CNTN5: variants seen among roughly 807,000 people sequenced by gnomAD.
The protein encoded by CNTN5 is contactin-5.
Under a neutral mutation model 129.1 loss-of-function variants are expected in CNTN5, and 77 were observed. That is an observed-to-expected ratio of 0.60 (90% CI 0.50 to 0.72). The LOEUF (loss-of-function observed/expected upper bound fraction) is 0.72. Ranked by LOEUF, CNTN5 falls within the 30% of genes least tolerant of loss-of-function variation. The probability of loss-of-function intolerance (pLI) is 0.00; values close to 1 mark genes in which losing one functional copy is unlikely to be tolerated. For missense variants in CNTN5, 1,478 were observed against 1,328.8 expected (o/e 1.11, Z -1.75); for synonymous variants, 509 against 465.6 (o/e 1.09, Z -1.20).
chr11:99,579,863 C>G (rs1385453729), intron 3 of CNTN5, among the ~76,000 whole-genome samples: 2 of 150,924 alleles, frequency 1.3e-5, no homozygotes, highest in East Asian at 3.9e-4. Flanking sequence ...ACTTCCAACA[C>G]TATGTTGAAT....
intron 2 of CNTN5, among the ~76,000 whole-genome samples, chr11:99,507,987 C>T (rs1946689611): frequency 6.6e-6 from 1 of 152,178 alleles, no homozygotes; most frequent in Non-Finnish European, 1.5e-5. Context: ...ATTTTATTCA[C>T]TTCATTACAG....
At position 99,307,638 on chromosome 11, in the gene CNTN5, A is replaced by C. The variant is rs535141529; in HGVS notation, c.-209-17708A>C. Among the ~76,000 whole-genome samples, 9 of 152,304 alleles carry C rather than the reference A, an allele frequency of 5.9e-5. No individual in the cohort carries two copies. In the East Asian group the frequency reaches 1.7e-3, roughly 29 times the overall value. On this transcript the variant is annotated intron_variant, in intron 1 of 24. Coordinates refer to ENST00000524871, the MANE Select transcript of CNTN5 (RefSeq NM_014361.4). ...CTGTGAGCTGCTCCCCATTTGAATC[A>C]ATAAAAGGCTGAGAGGTCTTGACAA...
intron 8 of CNTN5, among the ~76,000 whole-genome samples, chr11:99,975,365 C>T (rs942313072): frequency 6.6e-6 from 1 of 152,058 alleles, no homozygotes; most frequent in African/African-American, 2.4e-5. Flanking sequence ...CCAATTTCTC[C>T]CTTTTGGAAA....
rs139767809 is a variant in CNTN5, at chr11:99,773,970, A to G, written c.56-45574A>G. Reference sequence around the variant, plus strand: ...GTAAGTGCTTATCCTGCTGAATACAATTTTCACCTTTTGTATGATATAAAG... The same window carrying G: ...GTAAGTGCTTATCCTGCTGAATACAGTTTTCACCTTTTGTATGATATAAAG... On this transcript the variant is annotated intron_variant, in intron 3 of 24. Transcript: ENST00000524871. 4.6e-3 allele frequency among the ~76,000 whole-genome samples: 699 copies of G among 152,058 alleles called. 8 individuals carry two copies. The highest frequency in any genetic ancestry group is 0.016 in the African/African-American group (659 of 41,500).
chr11:99,966,452 G>C (rs556778589), intron 8 of CNTN5, among the ~76,000 whole-genome samples: 102 of 152,260 alleles, frequency 6.7e-4, no homozygotes, highest in African/African-American at 2.3e-3. Flanking sequence ...TTGAGCTTGA[G>C]CCCACAGGAC....
At chr11:99,145,802 GAA>G (rs947285739) in intron 1 of CNTN5, among the ~76,000 whole-genome samples, 10 of 152,096 alleles carry the variant, frequency 6.6e-5, no homozygotes, top group African/African-American at 2.2e-4. Flanking sequence ...GTGACTTTGA[GAA>G]AGTTACTTAA....
intron 2 of CNTN5, among the ~76,000 whole-genome samples, chr11:99,413,956 T>C (rs369198985): frequency 1.3e-5 from 2 of 152,234 alleles, no homozygotes; most frequent in East Asian, 1.9e-4. Flanking sequence ...AATCTACTTA[T>C]GGCCAGCCAA....
chr11:99,971,900 A>G (rs1383237098), intron 8 of CNTN5, among the ~76,000 whole-genome samples: 2 of 151,210 alleles, frequency 1.3e-5, no homozygotes, highest in East Asian at 1.9e-4. Flanking sequence ...CCAGCACTCA[A>G]TAATGTGATC....
At chr11:99,501,468 A>G (rs978593518) in intron 2 of CNTN5, among the ~76,000 whole-genome samples, 28 of 152,240 alleles carry the variant, frequency 1.8e-4, no homozygotes, top group African/African-American at 6.0e-4. Flanking sequence ...TTCCCAACTA[A>G]GTAAACCTGA....
intron 6 of CNTN5, among the ~76,000 whole-genome samples, chr11:99,901,762 A>G (rs535696831): frequency 6.6e-6 from 1 of 152,338 alleles, no homozygotes; most frequent in Non-Finnish European, 1.5e-5. Context: ...AAAGCTGTGA[A>G]TTAAAAAAGA....
chr11:99,333,618 G>T (rs1430031054), intron 2 of CNTN5, among the ~76,000 whole-genome samples: 2 of 151,954 alleles, frequency 1.3e-5, no homozygotes, highest in Admixed American at 6.6e-5. Flanking sequence ...CTAGCATGTG[G>T]AATAGAAAAT....
chr11:99,544,676 G>A (rs1948233217), intron 2 of CNTN5, among the ~76,000 whole-genome samples: 1 of 152,124 alleles, frequency 6.6e-6, no homozygotes, highest in South Asian at 2.1e-4. Flanking sequence ...AGGAGTTAAT[G>A]AAATCAGGTA....
chr11:99,342,003 C>G (rs1425954135), intron 2 of CNTN5, among the ~76,000 whole-genome samples: 1 of 152,124 alleles, frequency 6.6e-6, no homozygotes, highest in Non-Finnish European at 1.5e-5. Flanking sequence ...ATGATTTAAA[C>G]TTGATTCAAG....
chr11:99,888,425 C>T (rs1030189344), intron 6 of CNTN5, among the ~76,000 whole-genome samples: 1 of 152,110 alleles, frequency 6.6e-6, no homozygotes, highest in African/African-American at 2.4e-5. Context: ...AATATGTTAA[C>T]TTAGATGACT....
intron 8 of CNTN5, among the ~76,000 whole-genome samples, chr11:99,971,192 C>T (rs1163028917): frequency 6.6e-6 from 1 of 152,114 alleles, no homozygotes; most frequent in Non-Finnish European, 1.5e-5. Flanking sequence ...ACTCACTACC[C>T]AGTAGAGCTC....
intron 9 of CNTN5, among the ~76,000 whole-genome samples, chr11:100,008,234 C>G (rs1476461212): frequency 6.6e-6 from 1 of 152,018 alleles, no homozygotes; most frequent in South Asian, 2.1e-4. Context: ...TAAGTGAAAG[C>G]AGGCTATTAG....
chr11:100,031,048 C>T (rs1565805098), intron 9 of CNTN5, among the ~76,000 whole-genome samples: 1 of 152,188 alleles, frequency 6.6e-6, no homozygotes, highest in Non-Finnish European at 1.5e-5. Flanking sequence ...TTCCACTGCA[C>T]AGTCTATAGG....
chr11:100,157,109 T>C (rs1947271183), intron 13 of CNTN5, among the ~76,000 whole-genome samples: 1 of 151,962 alleles, frequency 6.6e-6, no homozygotes, highest in African/African-American at 2.4e-5. Context: ...AGATCTTCCC[T>C]GCTTTCTTTT....
intron 3 of CNTN5, among the ~76,000 whole-genome samples, chr11:99,614,256 G>A (rs533122834): frequency 1.3e-5 from 2 of 152,184 alleles, no homozygotes; most frequent in African/African-American, 4.8e-5. Context: ...TTCATTCATT[G>A]TTTATTTTTG....
Sources: allele counts gnomAD v4.1 joint callset (sites outside exome capture counted in the v4.1 genomes callset), GRCh38; gene constraint gnomAD v4.1.1; transcripts MANE v1.5; gene names NCBI Gene and HGNC (gene_info 2026-07-23, HGNC 2026-07-21).